The following SEC14L5 variants were observed in gnomAD, a reference collection of about 807,000 sequenced individuals.
SEC14L5 encodes the protein SEC14-like protein 5.
SEC14L5 carries 96 observed loss-of-function variants against 84.6 expected under a neutral mutation model. The ratio of observed to expected loss-of-function variants is 1.13; its 90% CI spans 0.96 to 1.34. SEC14L5 has a LOEUF of 1.34. SEC14L5 is among the 40% of genes most tolerant of loss of function. The pLI is 0.00. For synonymous variants in SEC14L5, 546 were observed against 383.4 expected, an observed-to-expected ratio of 1.42 and a Z score of -4.95; for missense variants, 1,224 against 942.5, an observed-to-expected ratio of 1.30 and a Z score of -3.91.
intron 2 of SEC14L5, among the ~76,000 whole-genome samples, chr16:4,972,930 G>A (rs562668355): frequency 6.6e-6 from 1 of 152,356 alleles, no homozygotes; most frequent in Non-Finnish European, 1.5e-5. Flanking sequence ...CTTAATGGCA[G>A]TGCTATGCTG....
At chr16:4,983,481 A>T (rs1955448637) in intron 2 of SEC14L5, among the ~76,000 whole-genome samples, 1 of 149,944 alleles carries the variant, frequency 6.7e-6, no homozygotes, top group African/African-American at 2.4e-5. Context: ...AGAACACCTT[A>T]TATTTACATT....
At chr16:4,987,970 T>G (rs1955511063) in intron 3 of SEC14L5, among the ~76,000 whole-genome samples, 179 bp from the exon 4 acceptor site, 1 of 151,436 alleles carries the variant, frequency 6.6e-6, no homozygotes, top group African/African-American at 2.4e-5. Context: ...TGAAGATGGG[T>G]TGGCGGCAGG....
chr16:4,980,959 C>T (rs1955415738), intron 2 of SEC14L5, among the ~76,000 whole-genome samples: 1 of 152,084 alleles, frequency 6.6e-6, no homozygotes, highest in African/African-American at 2.4e-5. Context: ...ATGGCAGGGA[C>T]ACGTCGATGT....
At chr16:5,010,975 G>A (rs1955792676) in intron 14 of SEC14L5, 120 bp from the exon 15 acceptor site, 1 of 934,582 alleles carries the variant, frequency 1.1e-6, no homozygotes, top group Admixed American at 2.6e-5. Context: ...CTGGAGAAAG[G>A]GACAGAGGGA....
chr16:5,015,255 G>A lies in SEC14L5; in HGVS notation c.*285G>A, dbSNP rs1955861771. 7.8e-6 allele frequency: 3 copies of A among 385,954 alleles called. No homozygotes were observed. The highest frequency in any genetic ancestry group is 2.0e-5 in the African/African-American group (1 of 49,600). The allele number at this position is 385,954 out of a possible 1,614,324, so 23.9% of individuals were successfully genotyped here. A position where few individuals can be genotyped will look rare whatever the true frequency, so the allele number is the denominator to read the frequency against. On this transcript the variant is annotated 3_prime_UTR_variant, in exon 16 of 16. Transcript: ENST00000251170. ...ACCATACCACACCTTTGGGACATCCGGGCTTAGCGACGTCAGCCAGGCCCA... is the reference window on the plus strand; with the variant it reads ...ACCATACCACACCTTTGGGACATCCAGGCTTAGCGACGTCAGCCAGGCCCA...
chr16:4,972,186 G>C (rs1236839258), intron 2 of SEC14L5, among the ~76,000 whole-genome samples: 7 of 152,006 alleles, frequency 4.6e-5, no homozygotes, highest in Non-Finnish European at 8.8e-5. Context: ...ATATTTTGTG[G>C]AGATAGGGGT....
chr16:4,996,787 G>A lies in SEC14L5; in HGVS notation c.781-68G>A, dbSNP rs571464925. On this transcript the variant is annotated intron_variant, in intron 7 of 15. Transcript: ENST00000251170. ...GGGTCTCACCATGTTGCCCCGGCTG[G>A]TTCTGTAATTTTATCTGCTGGGTCA... 1,185 of 1,298,754 alleles carry A rather than the reference G, an allele frequency of 9.1e-4. 2 individuals carry two copies. The highest frequency in any genetic ancestry group is 1.2e-3 in the Non-Finnish European group (1,097 of 932,174). The allele number at this position is 1,298,754 out of a possible 1,614,324, so 80.5% of individuals were successfully genotyped here.
At chr16:4,985,524 G>A (rs1282351362) in intron 2 of SEC14L5, among the ~76,000 whole-genome samples, 1 of 152,134 alleles carries the variant, frequency 6.6e-6, no homozygotes, top group African/African-American at 2.4e-5. Context: ...CACCGCGCCC[G>A]GCTCCAACTT....
intron 13 of SEC14L5, among the ~76,000 whole-genome samples, chr16:5,007,736 G>C (rs1049277701): frequency 2.0e-5 from 3 of 151,092 alleles, no homozygotes; most frequent in African/African-American, 4.9e-5. Context: ...CTCCCGAGTA[G>C]CTGGGATTAT....
chr16:4,998,718 ACAGAGCGAGACTC>A (rs1955642512), intron 8 of SEC14L5, among the ~76,000 whole-genome samples: 1 of 127,700 alleles, frequency 7.8e-6, no homozygotes, highest in African/African-American at 3.1e-5. Flanking sequence ...AGCCTGGGCG[ACAGAGCGAGACTC>A]CGTCTCAAAA....
chr16:5,003,580 G>A lies in SEC14L5; in HGVS notation c.1302+7G>A, dbSNP rs1234694947. On this transcript the variant is annotated splice_region_variant and intron_variant, in intron 11 of 15. Coordinates refer to ENST00000251170, the MANE Select transcript of SEC14L5 (RefSeq NM_014692.2). ...CCCCGTGCTCTGGACACTGGTAAGAGCTGGAGCCTGGGCCAGGACTCTCCC... is the reference window on the plus strand; with the variant it reads ...CCCCGTGCTCTGGACACTGGTAAGAACTGGAGCCTGGGCCAGGACTCTCCC... 1 of 1,567,020 alleles carries A rather than the reference G, an allele frequency of 6.4e-7. No homozygotes were observed. Among genetic ancestry groups the A allele is most frequent in the Non-Finnish European group, 8.7e-7 (1 of 1,154,986 alleles).
chr16:4,980,423 C>G (rs141123679), intron 2 of SEC14L5, among the ~76,000 whole-genome samples: 1 of 152,138 alleles, frequency 6.6e-6, no homozygotes, highest in African/African-American at 2.4e-5. Flanking sequence ...GGCTCCAGAC[C>G]GGGCCTTTCT....
intron 10 of SEC14L5, among the ~76,000 whole-genome samples, chr16:5,001,777 T>C (rs1423220666): frequency 1.3e-5 from 2 of 151,152 alleles, no homozygotes; most frequent in East Asian, 3.9e-4. Context: ...TAAAGTGGCT[T>C]TTTTTTTTCC....
At chr16:4,994,150 C>G (rs1955582241) in intron 6 of SEC14L5, among the ~76,000 whole-genome samples, 2 of 152,028 alleles carry the variant, frequency 1.3e-5, no homozygotes, top group African/African-American at 4.8e-5. Context: ...AGGAAAAATC[C>G]TAGGATACAA....
intron 2 of SEC14L5, among the ~76,000 whole-genome samples, chr16:4,963,349 A>AT (rs574014920): frequency 4.0e-5 from 6 of 149,618 alleles, no homozygotes; most frequent in South Asian, 2.1e-4. Flanking sequence ...CCTCCCAACT[A>AT]TTTTTTTTTT....
rs1302211943 is a variant in SEC14L5 at position 5,000,645 on chromosome 16, A to G, written c.971-10A>G. 6.5e-7 allele frequency: 1 copy of G among 1,549,366 alleles called. No individual in the cohort carries two copies. The highest frequency in any genetic ancestry group is 2.4e-5 in the East Asian group (1 of 40,900). On this transcript the variant is annotated splice_polypyrimidine_tract_variant and intron_variant, in intron 8 of 15. Coordinates refer to ENST00000251170, the MANE Select transcript of SEC14L5 (RefSeq NM_014692.2). ...CGGGCTCTTCTTTCTGCTTGGCCCCATCCACAAAGATGGCCGCCCCCTCTA... is the reference window on the plus strand; with the variant it reads ...CGGGCTCTTCTTTCTGCTTGGCCCCGTCCACAAAGATGGCCGCCCCCTCTA...
intron 2 of SEC14L5, among the ~76,000 whole-genome samples, chr16:4,978,713 C>G (rs1463437847): frequency 1.3e-5 from 2 of 152,052 alleles, no homozygotes; most frequent in African/African-American, 2.4e-5. Context: ...GGCCATTTTC[C>G]TGCCTCAGCC....
intron 2 of SEC14L5, among the ~76,000 whole-genome samples, chr16:4,960,356 G>A (rs1193059913): frequency 6.6e-6 from 1 of 152,098 alleles, no homozygotes; most frequent in Non-Finnish European, 1.5e-5. Flanking sequence ...TTAATGTATT[G>A]AAAGTGTAAG....
chr16:4,970,584 C>T (rs1244293555), intron 2 of SEC14L5, among the ~76,000 whole-genome samples: 1 of 152,194 alleles, frequency 6.6e-6, no homozygotes, highest in Non-Finnish European at 1.5e-5. Flanking sequence ...CTCGCTAAGT[C>T]ATCCGCCCTC....
Sources: gnomAD v4.1 joint callset for allele counts (sites outside exome capture counted in the v4.1 genomes callset) on GRCh38, gnomAD v4.1.1 for gene constraint, MANE v1.5 for transcripts, NCBI Gene and HGNC (gene_info 2026-07-23, HGNC 2026-07-21) for gene names.